The following CUL3 variants were observed in gnomAD, a reference collection of about 807,000 sequenced individuals.
The protein encoded by CUL3 is cullin 3.
Under a neutral mutation model 89.1 loss-of-function variants are expected in CUL3, and 19 were observed. The observed-to-expected ratio is 0.21, with a 90% CI of 0.15 to 0.31. The LOEUF is 0.31. CUL3 is among the 10% of genes least tolerant of loss of function. CUL3 has a pLI of 1.00. For synonymous variants in CUL3, 351 were observed against 308.4 expected (o/e 1.14, Z -1.45); for missense variants, 469 against 942.3 (o/e 0.50, Z 6.58).
intron 1 of CUL3, among the ~76,000 whole-genome samples, chr2:224,571,022 T>C (rs923454329): frequency 2.6e-5 from 4 of 152,200 alleles, no homozygotes; most frequent in African/African-American, 9.6e-5. Context: ...AAAAAAGGTA[T>C]GTATAACATT....
rs1692340398 is a variant in CUL3, at chr2:224,500,498, CAGAA to C, written c.1486-15_1486-12del. 6.2e-7 allele frequency: 1 copy of C among 1,612,978 alleles called. No homozygotes were observed. The highest frequency in any genetic ancestry group is 8.5e-7 in the Non-Finnish European group (1 of 1,179,264). The stretch of plus-strand genomic sequence containing the variant: ...ACCACCTAAAGATACCTATGTAAAA[CAGAA>C]AGAGATATTCCCCTCAAAATTAACT... On this transcript the variant is annotated splice_polypyrimidine_tract_variant and intron_variant, in intron 10 of 15. Coordinates refer to ENST00000264414, the MANE Select transcript of CUL3 (RefSeq NM_003590.5).
At chr2:224,549,236 G>A (rs994536708) in intron 2 of CUL3, among the ~76,000 whole-genome samples, 1 of 151,464 alleles carries the variant, frequency 6.6e-6, no homozygotes, top group African/African-American at 2.4e-5. Context: ...AGATTTGCTT[G>A]AAACTACAAG....
chr2:224,491,575 ATATT>A (rs1210205961), intron 13 of CUL3, among the ~76,000 whole-genome samples: 1 of 152,156 alleles, frequency 6.6e-6, no homozygotes, highest in African/African-American at 2.4e-5. Context: ...TCTTCTTAGT[ATATT>A]AGGACCTGCA....
At chr2:224,490,361 C>T (rs1691914905) in intron 13 of CUL3, among the ~76,000 whole-genome samples, 1 of 152,128 alleles carries the variant, frequency 6.6e-6, no homozygotes, top group South Asian at 2.1e-4. Flanking sequence ...CAGGGAAGGG[C>T]CCCCTGGCTG....
At chr2:224,527,127 T>C (rs948791942) in intron 3 of CUL3, among the ~76,000 whole-genome samples, 1 of 152,156 alleles carries the variant, frequency 6.6e-6, no homozygotes, top group African/African-American at 2.4e-5. Flanking sequence ...AAGACCTTTC[T>C]TACAAAAGCA....
At chr2:224,516,675 T>C (rs1574649176) in intron 3 of CUL3, among the ~76,000 whole-genome samples, 1 of 151,724 alleles carries the variant, frequency 6.6e-6, no homozygotes, top group East Asian at 1.9e-4. Context: ...TGAGAGGAAG[T>C]CTCACTCTAT....
intron 2 of CUL3, among the ~76,000 whole-genome samples, chr2:224,542,846 C>G (rs1014962721): frequency 1.3e-5 from 2 of 152,110 alleles, no homozygotes; most frequent in African/African-American, 4.8e-5. Context: ...GAGACAACAG[C>G]AGGAATGACC....
At chr2:224,583,072 A>C (rs571484870) in intron 1 of CUL3, among the ~76,000 whole-genome samples, 1 of 152,270 alleles carries the variant, frequency 6.6e-6, no homozygotes, top group Non-Finnish European at 1.5e-5. Flanking sequence ...GGCTGCACAC[A>C]CTGCTAGAAA....
intron 1 of CUL3, among the ~76,000 whole-genome samples, chr2:224,574,534 C>T (rs1034796191): frequency 6.6e-6 from 1 of 151,980 alleles, no homozygotes; most frequent in Non-Finnish European, 1.5e-5. Context: ...TTTACAGAAC[C>T]CCATATACAA....
intron 6 of CUL3, 31 bp from the exon 7 acceptor site, chr2:224,507,034 T>C (rs1441884454): frequency 6.3e-7 from 1 of 1,592,146 alleles, no homozygotes. Flanking sequence ...ATTGGCTACA[T>C]TAAAGATTAA....
At position 224,473,798 on chromosome 2, in the gene CUL3, CT is replaced by C. The variant is rs1691215783; in HGVS notation, c.*446del. ...AAGAAATGTCTTCAGAGCAAGATAA[CT>C]GGGAAATCTGCATTTCTTTTGCCAT... On this transcript the variant is annotated 3_prime_UTR_variant, in exon 16 of 16. Transcript: ENST00000264414. 5.1e-6 allele frequency: 1 copy of C among 195,306 alleles called. No individual in the cohort carries two copies. The allele number at this position is 195,306 out of a possible 1,614,324, so 12.1% of individuals were successfully genotyped here. A position where few individuals can be genotyped will look rare whatever the true frequency, so the allele number is the denominator to read the frequency against.
chr2:224,521,463 C>T (rs1194366976), intron 3 of CUL3, among the ~76,000 whole-genome samples: 1 of 150,706 alleles, frequency 6.6e-6, no homozygotes, highest in Non-Finnish European at 1.5e-5. Flanking sequence ...CAGAGTCTCG[C>T]TCTGTTGCCC....
chr2:224,535,169 A>G (rs1391620372), intron 3 of CUL3, among the ~76,000 whole-genome samples: 1 of 152,188 alleles, frequency 6.6e-6, no homozygotes, highest in Admixed American at 6.5e-5. Flanking sequence ...AGTTAGACAG[A>G]AAGTCATTGT....
At chr2:224,581,382 C>T (rs1048508106) in intron 1 of CUL3, among the ~76,000 whole-genome samples, 4 of 142,106 alleles carry the variant, frequency 2.8e-5, no homozygotes, top group African/African-American at 1.1e-4. Context: ...GGTGACAGAG[C>T]GAGTTTCCAT....
At chr2:224,495,311 T>A (rs1050919437) in intron 13 of CUL3, 1 of 152,394 alleles carries the variant, frequency 6.6e-6, no homozygotes, top group Non-Finnish European at 1.5e-5. Context: ...GTTAAACATA[T>A]AGCTCTACTT....
At chr2:224,578,473 T>C (rs1695361653) in intron 1 of CUL3, among the ~76,000 whole-genome samples, 1 of 152,278 alleles carries the variant, frequency 6.6e-6, no homozygotes, top group South Asian at 2.1e-4. Flanking sequence ...GGTGATTTTT[T>C]TTATTTCCCT....
At chr2:224,486,117 A>G (rs1343992553) in intron 13 of CUL3, among the ~76,000 whole-genome samples, 2 of 152,252 alleles carry the variant, frequency 1.3e-5, no homozygotes, top group African/African-American at 2.4e-5. Flanking sequence ...GGTCATCAGC[A>G]TCAAAGATCA....
intron 3 of CUL3, among the ~76,000 whole-genome samples, chr2:224,528,974 C>T (rs190043251): frequency 8.9e-4 from 135 of 152,260 alleles, no homozygotes; most frequent in African/African-American, 1.8e-3. Flanking sequence ...AAGTTTTGCA[C>T]AGCAATTCTT....
intron 1 of CUL3, 23 bp from the exon 2 acceptor site, chr2:224,557,879 G>GAAAAA (rs1559221273): frequency 6.7e-4 from 50 of 75,114 alleles, no homozygotes; most frequent in South Asian, 2.6e-3. Flanking sequence ...AGAGAGAGAA[G>GAAAAA]AGACAAAAAA....
Sources: allele counts gnomAD v4.1 joint callset (sites outside exome capture counted in the v4.1 genomes callset), GRCh38; gene constraint gnomAD v4.1.1; transcripts MANE v1.5; gene names NCBI Gene and HGNC (gene_info 2026-07-23, HGNC 2026-07-21).